Variants in LAMA5 observed in about 807,000 individuals in gnomAD.
The protein encoded by LAMA5 is laminin subunit alpha-5.
A neutral mutation model predicts 433.4 loss-of-function variants in LAMA5; 260 were observed. The ratio of observed to expected loss-of-function variants is 0.60; its 90% CI spans 0.54 to 0.66. The LOEUF is 0.66. Ranked by LOEUF, LAMA5 falls within the 30% of genes least tolerant of loss-of-function variation. LAMA5 has a pLI of 0.00. For missense variants in LAMA5, 5,378 were observed against 5,258.5 expected (o/e 1.02, Z -0.70); for synonymous variants, 2,620 against 2,226.6 (o/e 1.18, Z -4.97).
In LAMA5 at chr20:62,359,583, C is replaced by G. The variant is rs547609706; in HGVS notation, c.450+2817G>C. On this transcript the variant is annotated intron_variant, in intron 2 of 79. Coordinates refer to ENST00000252999, the MANE Select transcript of LAMA5 (RefSeq NM_005560.6). This position sits in a 1 kb window ranked among gnomAD's most constrained non-coding sequence, Gnocchi z 4.3. ...AGCTTCCGGAGGATGCAAGGAGATA[C>G]GCAAGAACCCCCTAGAAGGACCCCC... 1.3e-5 allele frequency among the ~76,000 whole-genome samples: 2 copies of G among 152,094 alleles called. No homozygotes were observed. The highest frequency in any genetic ancestry group is 2.9e-5 in the Non-Finnish European group (2 of 67,984).
rs1978999019 is a variant in LAMA5 at position 62,324,997 on chromosome 20, A to C, written c.5529+319T>G. On this transcript the variant is annotated intron_variant, in intron 41 of 79. Transcript: ENST00000252999. This position sits in a 1 kb window ranked among gnomAD's most constrained non-coding sequence, Gnocchi z 4.4. ...GAGGGATGGGCAGAATGACAGGCAGACGCCAGGATGGTCGGTGGGGGATGT... is the reference window on the plus strand; with the variant it reads ...GAGGGATGGGCAGAATGACAGGCAGCCGCCAGGATGGTCGGTGGGGGATGT... 3 of 405,004 alleles carry C rather than the reference A, an allele frequency of 7.4e-6. No individual in the cohort carries two copies. In the Admixed American group the frequency reaches 1.2e-4, roughly 17 times the overall value. 25.1% of individuals were successfully genotyped at this position (405,004 alleles called of 1,614,324 possible). A position where few individuals can be genotyped will look rare whatever the true frequency, so the allele number is the denominator to read the frequency against.
In LAMA5 at chr20:62,335,565, G is replaced by A. The variant is rs565538517; in HGVS notation, c.2324-296C>T. On this transcript the variant is annotated intron_variant, in intron 18 of 79. Coordinates refer to ENST00000252999, the MANE Select transcript of LAMA5 (RefSeq NM_005560.6). Reference sequence around the variant, plus strand: ...ACACTCAGACTCCAGCCCCCCCCCAGGAACCCCTGTACCCCAACACTCCCT... The same window carrying A: ...ACACTCAGACTCCAGCCCCCCCCCAAGAACCCCTGTACCCCAACACTCCCT... 1.7e-3 allele frequency among the ~76,000 whole-genome samples: 145 copies of A among 85,564 alleles called. 1 individual carries two copies. In the Middle Eastern group the frequency reaches 0.018, roughly 11 times the overall value. 56.1% of individuals were successfully genotyped at this position (85,564 alleles called of 152,430 possible).
chr20:62,328,308 T>C lies in LAMA5; in HGVS notation c.4585A>G (p.Asn1529Asp). 5 of 1,607,180 alleles carry C rather than the reference T, an allele frequency of 3.1e-6. No individual in the cohort carries two copies. Among genetic ancestry groups the C allele is most frequent in the Non-Finnish European group, 4.2e-6 (5 of 1,177,664 alleles). ...TCCTGGATGCCGGGCCCTGAGCAGT[T>C]ACACTCCTCACAGCCGACCAGGGGG... ...CHPLVGCEEC[N>D]CSGPGIQELT... Residue 1529 changes from asparagine to aspartate, a missense_variant, in exon 35 of 80, where the codon AAC becomes GAC. By Grantham distance (23) the Asn-to-Asp change is conservative. Transcript: ENST00000252999.
chr20:62,348,387 G>C (rs564425065), intron 6 of LAMA5, among the ~76,000 whole-genome samples: 8 of 152,138 alleles, frequency 5.3e-5, no homozygotes, highest in African/African-American at 1.9e-4. Context: ...GGTGGATCAC[G>C]AGGTCAGGAG....
intron 10 of LAMA5, 69 bp downstream of exon 10, chr20:62,346,012 A>C: frequency 6.2e-7 from 1 of 1,601,058 alleles, no homozygotes. Flanking sequence ...GAACCCCTCC[A>C]CCCCCTGCAG....
chr20:62,353,609 A>AG (rs1169635268), intron 2 of LAMA5, among the ~76,000 whole-genome samples: 2 of 152,158 alleles, frequency 1.3e-5, no homozygotes, highest in Non-Finnish European at 2.9e-5. Context: ...CCTGCGGCCC[A>AG]GGCAGGGACT....
Position 62,336,802 on chromosome 20 carries a change from C to A in LAMA5, c.2165-16G>T. The A allele has an allele frequency of 6.2e-7, 1 of 1,611,846 alleles. No homozygotes were observed. Among genetic ancestry groups the A allele is most frequent in the South Asian group, 1.1e-5 (1 of 90,882 alleles). Reference sequence around the variant, plus strand: ...CAAGAGCCAGCTGTGAAGAGAGGACCATGCCTCGGTCATTTCCCAGTGACC... The same window carrying A: ...CAAGAGCCAGCTGTGAAGAGAGGACAATGCCTCGGTCATTTCCCAGTGACC... On this transcript the variant is annotated splice_polypyrimidine_tract_variant and intron_variant, in intron 16 of 79. Coordinates refer to ENST00000252999, the MANE Select transcript of LAMA5 (RefSeq NM_005560.6).
intron 2 of LAMA5, among the ~76,000 whole-genome samples, chr20:62,361,264 GGGCTAGGGGCCT>G (rs1264122236): frequency 1.3e-5 from 2 of 152,170 alleles, no homozygotes; most frequent in Non-Finnish European, 2.9e-5. Flanking sequence ...GGCCAGGGCA[GGGCTAGGGGCCT>G]GGCAGGCAGG....
At position 62,318,980 on chromosome 20, in the gene LAMA5, G is replaced by A. The variant is rs1310436975; in HGVS notation, c.6905C>T (p.Ala2302Val). Residue 2302 changes from alanine (A) to valine (V), a missense_variant, in exon 52 of 80, where the codon GCC becomes GTC. Ala to Val is a moderately conservative substitution (Grantham distance 64). Coordinates refer to ENST00000252999, the MANE Select transcript of LAMA5 (RefSeq NM_005560.6). ...LMSQTGHLGL[A>V]NASAPSGEQL... The stretch of plus-strand genomic sequence containing the variant: ...CTCACCTGATGGAGCCGAGGCATTG[G>A]CCAGCCCCAGGTGGCCCGTCTGGGA... 1 of 1,592,666 alleles carries A rather than the reference G, an allele frequency of 6.3e-7. No individual in the cohort carries two copies. The highest frequency in any genetic ancestry group is 1.8e-5 in the Admixed American group (1 of 57,072).
Position 62,327,213 on chromosome 20 carries a change from A to C in LAMA5, c.5112+20T>G. ...TGGCCATCCTCAAAGTGCCTCCCCC[A>C]GACCTGATGCCCTGCTTACCCGGTC... On this transcript the variant is annotated intron_variant, in intron 38 of 79. Coordinates refer to ENST00000252999, the MANE Select transcript of LAMA5 (RefSeq NM_005560.6). 6.7e-7 allele frequency: 1 copy of C among 1,487,632 alleles called. No homozygotes were observed. Among genetic ancestry groups the C allele is most frequent in the Non-Finnish European group, 8.9e-7 (1 of 1,121,864 alleles). The allele number at this position is 1,487,632 out of a possible 1,614,324, so 92.2% of individuals were successfully genotyped here. A position where few individuals can be genotyped will look rare whatever the true frequency, so the allele number is the denominator to read the frequency against.
chr20:62,338,648 G>A, intron 11 of LAMA5, 40 bp from the exon 12 acceptor site: 3 of 1,580,920 alleles, frequency 1.9e-6, no homozygotes, highest in Non-Finnish European at 2.6e-6. Flanking sequence ...CAGATGCCCT[G>A]CAGACCCCAG....
chr20:62,337,939 C>T lies in LAMA5; in HGVS notation c.1892-1G>A. The T allele has an allele frequency of 6.2e-7, 1 of 1,608,162 alleles. No homozygotes were observed. The highest frequency in any genetic ancestry group is 8.5e-7 in the Non-Finnish European group (1 of 1,177,702). On this transcript the variant is annotated splice_acceptor_variant, in intron 14 of 79. Transcript: ENST00000252999. LOFTEE classifies it high-confidence loss of function. ...GCTCCCCGAGGGTCGCAGGTGCATG[C>T]TGCAGAGGGACAATGGGGTCAGGCC...
At chr20:62,322,840 T>C in intron 45 of LAMA5, 82 bp from the exon 46 acceptor site, 2 of 885,082 alleles carry the variant, frequency 2.3e-6, no homozygotes, top group South Asian at 3.7e-5. Flanking sequence ...AGCCCTCACT[T>C]CACTGCCTCC....
Position 62,317,651 on chromosome 20 carries a change from GC to G in LAMA5, c.7356+10del. ...GATGGGGTGGCGACAGGGGCCAGGGGCTGCACTCACCTCCTTAGCCTGGTCC... is the reference window on the plus strand; with the variant it reads ...GATGGGGTGGCGACAGGGGCCAGGGGTGCACTCACCTCCTTAGCCTGGTCC... On this transcript the variant is annotated intron_variant, in intron 54 of 79. Coordinates refer to ENST00000252999, the MANE Select transcript of LAMA5 (RefSeq NM_005560.6). 1 of 1,559,520 alleles carries G rather than the reference GC, an allele frequency of 6.4e-7. No homozygotes were observed. The highest frequency in any genetic ancestry group is 1.2e-5 in the South Asian group (1 of 84,426).
intron 11 of LAMA5, chr20:62,345,309 CTTTTTTTTTTTTTTTTCTAT>C (rs1317965106): frequency 7.2e-6 from 1 of 139,008 alleles, no homozygotes; most frequent in Non-Finnish European, 1.6e-5. Flanking sequence ...AACCAATTTT[CTTTTTTTTTTTTTTTTCTAT>C]TTTTTTTTTA....
At chr20:62,318,318 G>GGGGGGAGGAAGTGGAGGA in intron 53 of LAMA5, 136 bp downstream of exon 53, 2 of 283,384 alleles carry the variant, frequency 7.1e-6, no homozygotes, top group Non-Finnish European at 1.3e-5. Context: ...AAGAGGAGGA[G>GGGGGGAGGAAGTGGAGGA]GGGGGGAGGA....
Position 62,323,498 on chromosome 20 carries a change from G to A in LAMA5, c.6022C>T (p.Pro2008Ser). The stretch of plus-strand genomic sequence containing the variant: ...AGCAGGGCGTTGCCGTAGAAGCCGG[G>A]GGCACAGATCTCGCAGCGGGGCCCA... ...TTGPRCEICAPGFYGNALLPG... is the reference protein window; with the variant it reads ...TTGPRCEICASGFYGNALLPG... Residue 2008 changes from proline (P) to serine (S), a missense_variant, in exon 45 of 80, where the codon CCC becomes TCC. Coordinates refer to ENST00000252999, the MANE Select transcript of LAMA5 (RefSeq NM_005560.6). The A allele has an allele frequency of 6.4e-7, 1 of 1,558,886 alleles. No individual in the cohort carries two copies. Among genetic ancestry groups the A allele is most frequent in the Non-Finnish European group, 8.7e-7 (1 of 1,153,974 alleles).
At position 62,310,536 on chromosome 20, in the gene LAMA5, TCA is replaced by T. The variant is rs1986132602; in HGVS notation, c.10481_10482del (p.Leu3494GlnfsTer48). 1 of 1,553,012 alleles carries T rather than the reference TCA, an allele frequency of 6.4e-7. No individual in the cohort carries two copies. The highest frequency in any genetic ancestry group is 2.0e-5 in the Admixed American group (1 of 50,464). ...GCCCCCAGGGGCCTCCCGTGCAGCCTCAGTCTCTTCACACAGCCGCTGAACCC... is the reference window on the plus strand; with the variant it reads ...GCCCCCAGGGGCCTCCCGTGCAGCCTGTCTCTTCACACAGCCGCTGAACCC... ...TVGFSGCVKR[L>X]RLHGRPLGAP... On this transcript the variant is annotated frameshift_variant, in exon 76 of 80. Transcript: ENST00000252999. LOFTEE classifies it high-confidence loss of function.
chr20:62,328,888 C>A lies in LAMA5; in HGVS notation c.4403G>T (p.Cys1468Phe), dbSNP rs1979807906. ...CCAGTATCCGGTGGCACAGCGGGAG[C>A]AGTCACGGCCAATGACATGGGCATG... Reference protein sequence around the residue: ...PCHAHVIGRDCSRCATGYWGF... With the variant: ...PCHAHVIGRDFSRCATGYWGF... Residue 1468 changes from cysteine (C) to phenylalanine (F), a missense_variant, in exon 34 of 80, where the codon TGC (cysteine) becomes TTC (phenylalanine). Transcript: ENST00000252999. 6.2e-7 allele frequency: 1 copy of A among 1,611,590 alleles called. No homozygotes were observed. Among genetic ancestry groups the A allele is most frequent in the African/African-American group, 1.3e-5 (1 of 74,920 alleles).
Sources: gnomAD v4.1 joint callset for allele counts (sites outside exome capture counted in the v4.1 genomes callset) on GRCh38, gnomAD v4.1.1 for gene constraint, Gnocchi (gnomAD v3.1) non-coding constraint, MANE v1.5 for transcripts, NCBI Gene and HGNC (gene_info 2026-07-23, HGNC 2026-07-21) for gene names.